The following ETV6 variants were observed in gnomAD, a reference collection of about 807,000 sequenced individuals.
The protein encoded by ETV6 is transcription factor ETV6.
ETV6 carries 16 observed loss-of-function variants against 51.1 expected under a neutral mutation model. The ratio of observed to expected loss-of-function variants is 0.31; its 90% CI spans 0.21 to 0.48. The LOEUF (loss-of-function observed/expected upper bound fraction) is 0.48. ETV6 is among the 20% of genes least tolerant of loss of function. The probability of loss-of-function intolerance (pLI) is 0.99; values close to 1 mark genes in which losing one functional copy is unlikely to be tolerated. For synonymous variants in ETV6, 240 were observed against 224.1 expected, an observed-to-expected ratio of 1.07 and a Z score of -0.64; for missense variants, 458 against 594.8, an observed-to-expected ratio of 0.77 and a Z score of 2.39.
chr12:11,719,590 A>C (rs1865343533), intron 1 of ETV6, among the ~76,000 whole-genome samples: 1 of 152,272 alleles, frequency 6.6e-6, no homozygotes, highest in Admixed American at 6.5e-5. Flanking sequence ...CTCTGAATAA[A>C]GATGCATTTA....
At chr12:11,652,944 G>A (rs1035808639) in intron 1 of ETV6, among the ~76,000 whole-genome samples, 12 of 152,022 alleles carry the variant, frequency 7.9e-5, no homozygotes, top group South Asian at 4.2e-4. Context: ...CACTTTTTAC[G>A]GTAGAAGAGA....
At chr12:11,682,851 T>C (rs1450575969) in intron 1 of ETV6, among the ~76,000 whole-genome samples, 3 of 152,200 alleles carry the variant, frequency 2.0e-5, no homozygotes, top group Non-Finnish European at 1.5e-5. Flanking sequence ...CCATTGCTTG[T>C]TTTTGTCAGG....
chr12:11,698,030 TC>T (rs1864910490), intron 1 of ETV6, among the ~76,000 whole-genome samples: 1 of 152,222 alleles, frequency 6.6e-6, no homozygotes, highest in Admixed American at 6.5e-5. Context: ...CTCTGGTTGT[TC>T]CTTGTTTGAT....
At chr12:11,673,846 G>A (rs1413483859) in intron 1 of ETV6, among the ~76,000 whole-genome samples, 2 of 152,234 alleles carry the variant, frequency 1.3e-5, no homozygotes, top group East Asian at 1.9e-4. Flanking sequence ...CTGTGTGCGT[G>A]GTCTCTAGAC....
intron 2 of ETV6, among the ~76,000 whole-genome samples, chr12:11,833,762 C>G (rs1281761580): frequency 1.3e-5 from 2 of 152,148 alleles, no homozygotes; most frequent in Admixed American, 1.3e-4. Flanking sequence ...CAATCACTTG[C>G]TTACAAGTAA....
chr12:11,744,071 G>A (rs1024077895), intron 1 of ETV6, among the ~76,000 whole-genome samples: 15 of 152,260 alleles, frequency 9.9e-5, no homozygotes, highest in Admixed American at 3.9e-4. Context: ...TAAAACCTGG[G>A]GAAGCTCCCA....
intron 4 of ETV6, among the ~76,000 whole-genome samples, chr12:11,865,400 A>G (rs548891744): frequency 1.3e-5 from 2 of 151,944 alleles, no homozygotes; most frequent in East Asian, 3.9e-4. Context: ...CATCTCATAA[A>G]TGTTTTTTAC....
At chr12:11,846,798 G>T (rs1172228760) in intron 3 of ETV6, among the ~76,000 whole-genome samples, 5 of 152,328 alleles carry the variant, frequency 3.3e-5, no homozygotes, top group Admixed American at 2.6e-4. Context: ...GGCTCTGCAG[G>T]TCATGTTCAG....
intron 2 of ETV6, among the ~76,000 whole-genome samples, chr12:11,771,809 A>G (rs1261616270): frequency 5.9e-5 from 9 of 152,238 alleles, no homozygotes; most frequent in African/African-American, 1.4e-4. Flanking sequence ...AACTAAATTC[A>G]TACAAAGTTT....
intron 1 of ETV6, among the ~76,000 whole-genome samples, chr12:11,746,451 C>A (rs945484095): frequency 1.3e-5 from 2 of 152,184 alleles, no homozygotes; most frequent in African/African-American, 2.4e-5. Context: ...GGAACACATA[C>A]CACATGCTCA....
chr12:11,879,426 A>G (rs77996340), intron 5 of ETV6, among the ~76,000 whole-genome samples: 3,136 of 152,290 alleles, frequency 0.021, 110 homozygotes, highest in African/African-American at 0.072. Context: ...CATGTTGGTT[A>G]TGTGTGAATT....
intron 5 of ETV6, among the ~76,000 whole-genome samples, chr12:11,881,419 G>A (rs969447995): frequency 1.3e-5 from 2 of 152,202 alleles, no homozygotes; most frequent in African/African-American, 4.8e-5. Context: ...ACAAACTGCC[G>A]TAGACTGGGT....
intron 3 of ETV6, 21 bp downstream of exon 3, chr12:11,839,325 C>T (rs1374935676): frequency 1.3e-6 from 2 of 1,596,908 alleles, no homozygotes; most frequent in Admixed American, 1.7e-5. Context: ...GGACTCTTGG[C>T]ATATGCCCAA....
Position 11,869,250 on chromosome 12 carries a change from A to C in ETV6, c.464-174A>C, listed in dbSNP as rs545803841. On this transcript the variant is annotated intron_variant, in intron 4 of 7. Coordinates refer to ENST00000396373, the MANE Select transcript of ETV6 (RefSeq NM_001987.5). This position sits in a 1 kb window ranked among gnomAD's most constrained non-coding sequence, Gnocchi z 5.0. ...GACTCCATCTCAAACAGAAAAAAAAAAAAAATATGCACCCTTCAAATTGTT... is the reference window on the plus strand; with the variant it reads ...GACTCCATCTCAAACAGAAAAAAAACAAAAATATGCACCCTTCAAATTGTT... Among the ~76,000 whole-genome samples, 2 of 151,680 alleles carry C rather than the reference A, an allele frequency of 1.3e-5. No homozygotes were observed. Among genetic ancestry groups the C allele is most frequent in the African/African-American group, 4.8e-5 (2 of 41,362 alleles).
intron 5 of ETV6, among the ~76,000 whole-genome samples, chr12:11,876,202 A>G (rs986152438): frequency 2.0e-5 from 3 of 152,244 alleles, no homozygotes; most frequent in Non-Finnish European, 4.4e-5. Flanking sequence ...TTACGATAAT[A>G]TCATTAACAT....
At chr12:11,685,176 A>G (rs1864603972) in intron 1 of ETV6, among the ~76,000 whole-genome samples, 1 of 152,168 alleles carries the variant, frequency 6.6e-6, no homozygotes. Flanking sequence ...GGCTTTAGTT[A>G]TAGTCATTTG....
intron 1 of ETV6, among the ~76,000 whole-genome samples, chr12:11,671,624 A>G (rs1356619923): frequency 6.6e-6 from 1 of 152,222 alleles, no homozygotes; most frequent in East Asian, 1.9e-4. Context: ...ATAAAAATAA[A>G]TAAATTCATT....
intron 2 of ETV6, among the ~76,000 whole-genome samples, chr12:11,772,338 G>A (rs754041254): frequency 3.3e-5 from 5 of 152,176 alleles, no homozygotes; most frequent in South Asian, 2.1e-4. Flanking sequence ...GATATAGTTC[G>A]GTAATTTCAT....
intron 2 of ETV6, among the ~76,000 whole-genome samples, chr12:11,800,241 ACCT>A (rs1193841151): frequency 6.6e-6 from 1 of 151,608 alleles, no homozygotes; most frequent in East Asian, 1.9e-4. Flanking sequence ...CATCCATCTC[ACCT>A]CCCATCCCCA....
Sources: allele counts gnomAD v4.1 joint callset (sites outside exome capture counted in the v4.1 genomes callset), GRCh38; gene constraint gnomAD v4.1.1; non-coding constraint Gnocchi (gnomAD v3.1); transcripts MANE v1.5; gene names NCBI Gene and HGNC (gene_info 2026-07-23, HGNC 2026-07-21).